Variants in ASIC2 observed in about 807,000 individuals in gnomAD.
ASIC2 encodes acid-sensing ion channel 2.
Under a neutral mutation model 57.3 loss-of-function variants are expected in ASIC2, and 25 were observed. That is an observed-to-expected ratio of 0.44 (90% CI 0.32 to 0.61). The LOEUF (loss-of-function observed/expected upper bound fraction) is 0.61. Among genes scored for constraint, ASIC2 ranks in the 20% least tolerant of loss-of-function variants. The pLI, the probability that ASIC2 is intolerant of heterozygous loss-of-function variation, is 0.06. For missense variants in ASIC2, 641 were observed against 738.1 expected (o/e 0.87, Z 1.52); for synonymous variants, 319 against 307.5 (o/e 1.04, Z -0.39).
intron 1 of ASIC2, among the ~76,000 whole-genome samples, chr17:33,842,783 TTC>T (rs1913478510): frequency 6.6e-6 from 1 of 152,118 alleles, no homozygotes; most frequent in South Asian, 2.1e-4. Context: ...ACTGGGAACA[TTC>T]AGAGGAGAAG....
At chr17:34,111,377 TG>T (rs1246222100) in intron 1 of ASIC2, among the ~76,000 whole-genome samples, 2 of 150,934 alleles carry the variant, frequency 1.3e-5, no homozygotes, top group African/African-American at 4.9e-5. Flanking sequence ...TCTGGGTCTG[TG>T]GCAAAACAGT....
chr17:33,976,284 C>T (rs1326668023), intron 1 of ASIC2, among the ~76,000 whole-genome samples: 2 of 152,050 alleles, frequency 1.3e-5, no homozygotes, highest in Admixed American at 6.5e-5. Context: ...CTAATTCAGT[C>T]TCAGACTTCT....
intron 1 of ASIC2, among the ~76,000 whole-genome samples, chr17:33,384,424 T>TA (rs1909601419): frequency 6.6e-6 from 1 of 152,182 alleles, no homozygotes; most frequent in Non-Finnish European, 1.5e-5. Flanking sequence ...ATCTTTTTTT[T>TA]CTGTGAACTG....
intron 1 of ASIC2, among the ~76,000 whole-genome samples, chr17:33,957,286 C>A (rs1055523676): frequency 6.6e-6 from 1 of 152,174 alleles, no homozygotes; most frequent in African/African-American, 2.4e-5. Context: ...AGAAGAGAAG[C>A]AACATGCCCT....
intron 1 of ASIC2, among the ~76,000 whole-genome samples, chr17:33,387,768 G>A (rs982132627): frequency 7.9e-5 from 12 of 152,178 alleles, no homozygotes; most frequent in African/African-American, 2.9e-4. Flanking sequence ...ATACTTTATT[G>A]TATACTTGAA....
At position 33,464,530 on chromosome 17, in the gene ASIC2, TTCTTTCTTTCTCTTTC is replaced by T; in HGVS notation, c.556-352479_556-352464del. On this transcript the variant is annotated intron_variant, in intron 1 of 9. Coordinates refer to the ASIC2 transcript ENST00000359872. ...TTTCTTTCTTTCTTTCTTTCTTTCT[TTCTTTCTTTCTCTTTC>T]TTTCTTTCTTTCTTTCTTTTCTCTC... is the stretch of plus-strand genomic sequence containing the variant. Among the ~76,000 whole-genome samples the T allele has an allele frequency of 9.1e-5, 4 of 43,966 alleles. No homozygotes were observed. In the South Asian group the frequency reaches 3.7e-3, roughly 41 times the overall value. 28.8% of individuals were successfully genotyped at this position (43,966 alleles called of 152,430 possible).
At chr17:33,231,558 G>A (rs919682794) in intron 1 of ASIC2, among the ~76,000 whole-genome samples, 5 of 152,098 alleles carry the variant, frequency 3.3e-5, no homozygotes, top group Non-Finnish European at 7.4e-5. Flanking sequence ...GGCATTTGCT[G>A]AAGTCCCATC....
intron 1 of ASIC2, among the ~76,000 whole-genome samples, chr17:33,342,402 T>G (rs1318746400): frequency 6.6e-6 from 1 of 152,040 alleles, no homozygotes; most frequent in Non-Finnish European, 1.5e-5. Context: ...GTGTGTGTGT[T>G]TTGTAAGCAT....
chr17:33,028,292 T>G lies in ASIC2; in HGVS notation c.1088A>C (p.Glu363Ala). 6.2e-7 allele frequency: 1 copy of G among 1,614,162 alleles called. No individual in the cohort carries two copies. Among genetic ancestry groups the G allele is most frequent in the South Asian group, 1.1e-5 (1 of 91,082 alleles). The change falls in exon 4 of 10, where the codon GAG (glutamate) becomes GCG (alanine). Residue 363 changes from glutamate (E) to alanine (A), a missense_variant. By Grantham distance (107) the Glu-to-Ala change is moderately radical. Transcript: ENST00000225823. ...YSITACRIDCETRYIVENCNC... is the reference protein window; with the variant it reads ...YSITACRIDCATRYIVENCNC... ...GCAGTTTTCCACAATGTAGCGGGTC[T>G]CACAGTCAATCCTACAGGCGGTGAT...
chr17:33,111,169 A>C (rs1003469124), intron 2 of ASIC2, among the ~76,000 whole-genome samples: 3 of 152,096 alleles, frequency 2.0e-5, no homozygotes, highest in Non-Finnish European at 4.4e-5. Context: ...CATCAGGCCC[A>C]TCTGGATGAT....
chr17:33,728,871 G>T (rs566086306), intron 1 of ASIC2, among the ~76,000 whole-genome samples: 31 of 152,154 alleles, frequency 2.0e-4, no homozygotes, highest in African/African-American at 7.5e-4. Context: ...TCATGTTGTG[G>T]GTGCATCCAA....
intron 1 of ASIC2, among the ~76,000 whole-genome samples, chr17:33,613,220 T>C (rs767173549): frequency 2.6e-5 from 4 of 152,288 alleles, no homozygotes; most frequent in Non-Finnish European, 4.4e-5. Flanking sequence ...AACAGTAATA[T>C]GTGGTAGAAC....
intron 1 of ASIC2, among the ~76,000 whole-genome samples, chr17:33,237,284 A>C (rs1908327308): frequency 6.6e-6 from 1 of 151,956 alleles, no homozygotes; most frequent in Non-Finnish European, 1.5e-5. Flanking sequence ...TGGAGGCCAC[A>C]GCAGGGTTTG....
At chr17:33,117,267 G>C (rs2092284945) in intron 1 of ASIC2, among the ~76,000 whole-genome samples, 1 of 151,986 alleles carries the variant, frequency 6.6e-6, no homozygotes, top group East Asian at 1.9e-4. Flanking sequence ...CTGCCTCCTG[G>C]GGTCGAGCGA....
chr17:33,715,185 A>G (rs1314536645), intron 1 of ASIC2, among the ~76,000 whole-genome samples: 1 of 151,532 alleles, frequency 6.6e-6, no homozygotes, highest in Non-Finnish European at 1.5e-5. Context: ...TTTTTTTAAT[A>G]GAGACAGGGT....
At chr17:33,593,594 G>A (rs1371025263) in intron 1 of ASIC2, among the ~76,000 whole-genome samples, 1 of 152,190 alleles carries the variant, frequency 6.6e-6, no homozygotes, top group Non-Finnish European at 1.5e-5. Context: ...GATAATGATG[G>A]CAGCTTCCCG....
intron 1 of ASIC2, among the ~76,000 whole-genome samples, chr17:33,882,617 G>C (rs904282073): frequency 6.6e-6 from 1 of 152,206 alleles, no homozygotes; most frequent in Admixed American, 6.5e-5. Flanking sequence ...AACAACAGGT[G>C]CTGGAGAGGA....
intron 1 of ASIC2, among the ~76,000 whole-genome samples, chr17:33,755,357 C>A (rs138746866): frequency 1.5e-3 from 226 of 152,318 alleles, no homozygotes; most frequent in African/African-American, 5.3e-3. Flanking sequence ...AGCCATAAGA[C>A]CCTATGTCTG....
At chr17:33,311,133 T>C (rs942549275) in intron 1 of ASIC2, among the ~76,000 whole-genome samples, 6 of 152,206 alleles carry the variant, frequency 3.9e-5, no homozygotes, top group African/African-American at 4.8e-5. Flanking sequence ...GCATCCTTAG[T>C]TGGGCACCTG....
Sources: allele counts gnomAD v4.1 joint callset (sites outside exome capture counted in the v4.1 genomes callset), GRCh38; gene constraint gnomAD v4.1.1; transcripts MANE v1.5; gene names NCBI Gene and HGNC (gene_info 2026-07-23, HGNC 2026-07-21).